The following HDGFL3 variants were observed in gnomAD, a reference collection of about 807,000 sequenced individuals.
HDGFL3 encodes the protein hepatoma-derived growth factor-related protein 3.
Under a neutral mutation model 27.6 loss-of-function variants are expected in HDGFL3, and 6 were observed. The observed-to-expected ratio is 0.22, with a 90% CI of 0.12 to 0.43. The LOEUF is 0.43. Ranked by LOEUF, HDGFL3 falls within the 20% of genes least tolerant of loss-of-function variation. The probability of loss-of-function intolerance (pLI) is 1.00; values close to 1 mark genes in which losing one functional copy is unlikely to be tolerated. For missense variants in HDGFL3, 207 were observed against 250.1 expected (o/e 0.83, Z 1.16); for synonymous variants, 88 against 88.9 (o/e 0.99, Z 0.05).
At chr15:83,155,422 C>T (rs2037015583) in intron 4 of HDGFL3, among the ~76,000 whole-genome samples, 1 of 152,164 alleles carries the variant, frequency 6.6e-6, no homozygotes, top group Admixed American at 6.5e-5. Flanking sequence ...TTTAGGGTTG[C>T]ACAACACATT....
intron 1 of HDGFL3, among the ~76,000 whole-genome samples, chr15:83,196,985 G>A (rs773239473): frequency 2.0e-5 from 3 of 152,194 alleles, no homozygotes; most frequent in Non-Finnish European, 4.4e-5. Context: ...GCCCACTCTT[G>A]TTAAGCTGCA....
chr15:83,207,256 G>C lies in HDGFL3; in HGVS notation c.84+75C>G. The C allele has an allele frequency of 9.3e-7, 1 of 1,070,194 alleles. No individual in the cohort carries two copies. The allele number at this position is 1,070,194 out of a possible 1,614,324, so 66.3% of individuals were successfully genotyped here. On this transcript the variant is annotated intron_variant, in intron 1 of 5. Transcript: ENST00000299633. This position sits in a 1 kb window ranked among gnomAD's most constrained non-coding sequence, Gnocchi z 4.8. The stretch of plus-strand genomic sequence containing the variant: ...TGCGGGCTCGGGGCTGAGGCGATGG[G>C]GAAAGGGGGCGGGCGCGCCATCATG...
chr15:83,128,269 C>G lies in HDGFL3; in HGVS notation c.*11001G>C, dbSNP rs1451624711. The G allele has an allele frequency of 1.3e-5, 2 of 152,110 alleles. No individual in the cohort carries two copies. Among genetic ancestry groups the G allele is most frequent in the African/African-American group, 4.8e-5 (2 of 41,420 alleles). The allele number at this position is 152,110 out of a possible 1,614,324, so 9.4% of individuals were successfully genotyped here. ...ATAATAATCATGATCGTAAGACATA[C>G]TAGAATTCACACGGTTGAAAAATAT... On this transcript the variant is annotated 3_prime_UTR_variant, in exon 6 of 6. Coordinates refer to ENST00000299633, the MANE Select transcript of HDGFL3 (RefSeq NM_016073.4).
At chr15:83,198,054 C>CA (rs766372255) in intron 1 of HDGFL3, among the ~76,000 whole-genome samples, 4,073 of 57,432 alleles carry the variant, frequency 0.071, 287 homozygotes, top group Middle Eastern at 0.11. Flanking sequence ...GACTCCGTCT[C>CA]AAAAAAAAAA....
chr15:83,140,806 C>A (rs540872642), intron 5 of HDGFL3, among the ~76,000 whole-genome samples: 7 of 152,194 alleles, frequency 4.6e-5, no homozygotes, highest in East Asian at 1.9e-4. Flanking sequence ...ACAATGTTTT[C>A]TTATTATTAC....
At chr15:83,124,919 C>G (rs1434984360), downstream of HDGFL3, 4 of 697,058 alleles carry the variant, frequency 5.7e-6, no homozygotes, top group Non-Finnish European at 2.4e-6. Flanking sequence ...AGCCTGGAGC[C>G]CTGGACCTGC....
chr15:83,113,410 G>C (rs2034373802), exon 4 of HDGFL3: 1 of 154,944 alleles, frequency 6.5e-6, no homozygotes, highest in East Asian at 1.9e-4. Context: ...CCACTTGAAA[G>C]TGAAGCAGCT....
chr15:83,198,523 T>G (rs998234716), intron 1 of HDGFL3, among the ~76,000 whole-genome samples: 5 of 152,186 alleles, frequency 3.3e-5, no homozygotes, highest in Admixed American at 1.3e-4. Context: ...TGCATCTTAG[T>G]CCATTTTGGG....
chr15:83,184,884 A>G (rs1164338979), intron 1 of HDGFL3: 1 of 152,234 alleles, frequency 6.6e-6, no homozygotes. Flanking sequence ...ACTTGCAAAG[A>G]ATGTGGTAAA....
intron 1 of HDGFL3, among the ~76,000 whole-genome samples, chr15:83,194,165 C>T (rs1304328288): frequency 6.6e-6 from 1 of 152,132 alleles, no homozygotes; most frequent in Non-Finnish European, 1.5e-5. Flanking sequence ...GTGAAAAAAA[C>T]TCAGGTATCC....
chr15:83,184,303 TAA>T (rs1401721887), intron 1 of HDGFL3, among the ~76,000 whole-genome samples: 1 of 152,244 alleles, frequency 6.6e-6, no homozygotes, highest in Non-Finnish European at 1.5e-5. Flanking sequence ...CTATCTGTGT[TAA>T]GTCAGTGTTT....
intron 1 of HDGFL3, among the ~76,000 whole-genome samples, chr15:83,187,151 G>T (rs963631412): frequency 1.1e-4 from 16 of 147,866 alleles, no homozygotes; most frequent in African/African-American, 3.9e-4. Context: ...TACTTTTCTT[G>T]GAAATTCTTT....
chr15:83,196,872 AG>A (rs1290687607), intron 1 of HDGFL3, among the ~76,000 whole-genome samples: 10 of 152,198 alleles, frequency 6.6e-5, no homozygotes, highest in African/African-American at 2.4e-4. Context: ...TGAAGTATGA[AG>A]GTAAAACAAT....
At chr15:83,119,686 G>A in intron 3 of HDGFL3, 1 of 1,614,124 alleles carries the variant, frequency 6.2e-7, no homozygotes, top group Non-Finnish European at 8.5e-7. Flanking sequence ...ATGGGAGTAA[G>A]TCAGTTCACC....
intron 5 of HDGFL3, among the ~76,000 whole-genome samples, chr15:83,149,720 A>G (rs909647548): frequency 6.6e-6 from 1 of 152,178 alleles, no homozygotes; most frequent in African/African-American, 2.4e-5. Context: ...GGAGACTGGG[A>G]GAAAAGATCA....
intron 1 of HDGFL3, among the ~76,000 whole-genome samples, chr15:83,175,779 G>GA (rs2037302177): frequency 6.6e-6 from 1 of 152,194 alleles, no homozygotes. Context: ...AGAATGGTGT[G>GA]AACCCGGGAG....
chr15:83,196,629 A>G (rs894962349), intron 1 of HDGFL3, among the ~76,000 whole-genome samples: 2 of 152,166 alleles, frequency 1.3e-5, no homozygotes, highest in African/African-American at 4.8e-5. Flanking sequence ...AAAAAATTAA[A>G]TAAGACTTTA....
chr15:83,206,539 GCC>G (rs1401660432), intron 1 of HDGFL3, among the ~76,000 whole-genome samples: 2 of 152,240 alleles, frequency 1.3e-5, no homozygotes, highest in Non-Finnish European at 1.5e-5. Context: ...TAGAAAAAGA[GCC>G]CAACGACAAC....
chr15:83,180,566 G>C (rs2037368039), intron 1 of HDGFL3, among the ~76,000 whole-genome samples: 1 of 151,254 alleles, frequency 6.6e-6, no homozygotes, highest in South Asian at 2.1e-4. Flanking sequence ...GTATGAAAAA[G>C]GAAATGCATA....
Sources: gnomAD v4.1 joint callset for allele counts (sites outside exome capture counted in the v4.1 genomes callset) on GRCh38, gnomAD v4.1.1 for gene constraint, Gnocchi (gnomAD v3.1) non-coding constraint, MANE v1.5 for transcripts, NCBI Gene and HGNC (gene_info 2026-07-23, HGNC 2026-07-21) for gene names.